Variants in EYS observed in about 807,000 individuals in gnomAD.
The protein encoded by EYS is protein eyes shut homolog.
EYS carries 250 observed loss-of-function variants against 282.1 expected under a neutral mutation model. That is an observed-to-expected ratio of 0.89 (90% CI 0.80 to 0.98). The LOEUF (loss-of-function observed/expected upper bound fraction) is 0.98, where lower values mean the gene tolerates loss of function less well. Among genes scored for constraint, EYS ranks in the 50% least tolerant of loss-of-function variants. The pLI is 0.00. For synonymous variants in EYS, 1,355 were observed against 1,282.9 expected, an observed-to-expected ratio of 1.06 and a Z score of -1.20; for missense variants, 4,016 against 3,709.0, an observed-to-expected ratio of 1.08 and a Z score of -2.15.
At chr6:64,196,531 T>C (rs1468568167) in intron 31 of EYS, among the ~76,000 whole-genome samples, 2 of 152,094 alleles carry the variant, frequency 1.3e-5, no homozygotes, top group African/African-American at 4.8e-5. Context: ...TAAGAAAATG[T>C]GGCACATATA....
At chr6:65,015,745 A>T (rs189308455) in intron 13 of EYS, among the ~76,000 whole-genome samples, 1 of 151,740 alleles carries the variant, frequency 6.6e-6, no homozygotes, top group African/African-American at 2.4e-5. Flanking sequence ...TTCCCACTGA[A>T]ATTGTACCAC....
chr6:65,400,109 C>G (rs1192262248), intron 7 of EYS, among the ~76,000 whole-genome samples: 1 of 151,984 alleles, frequency 6.6e-6, no homozygotes. Context: ...GCCAAACAAG[C>G]AAGTAGGGGG....
At chr6:64,114,597 G>T (rs1022138376) in intron 31 of EYS, among the ~76,000 whole-genome samples, 4 of 152,198 alleles carry the variant, frequency 2.6e-5, no homozygotes, top group African/African-American at 9.7e-5. Context: ...GAAGATAAGG[G>T]AAAGGGGCTA....
At chr6:63,920,740 C>T (rs181430014) in intron 35 of EYS, among the ~76,000 whole-genome samples, 43 of 152,276 alleles carry the variant, frequency 2.8e-4, no homozygotes, top group Admixed American at 1.3e-3. Context: ...TCCAGGCACT[C>T]AAACATTGGG....
intron 35 of EYS, among the ~76,000 whole-genome samples, chr6:63,973,316 G>C (rs1766677342): frequency 6.6e-6 from 1 of 151,994 alleles, no homozygotes. Context: ...GTTATGATGA[G>C]CTTTTTTTCA....
At chr6:64,230,024 A>T (rs1766372789) in intron 31 of EYS, among the ~76,000 whole-genome samples, 1 of 152,178 alleles carries the variant, frequency 6.6e-6, no homozygotes, top group African/African-American at 2.4e-5. Context: ...TTCTGGCTTT[A>T]GTTGTCTAGC....
chr6:65,214,263 T>A (rs1372723774), intron 12 of EYS, among the ~76,000 whole-genome samples: 1 of 141,508 alleles, frequency 7.1e-6, no homozygotes, highest in Non-Finnish European at 1.5e-5. Context: ...TAAAGAAAAA[T>A]TTGGTGAAAG....
At chr6:65,061,550 T>C (rs1773574281) in intron 12 of EYS, among the ~76,000 whole-genome samples, 1 of 151,930 alleles carries the variant, frequency 6.6e-6, no homozygotes, top group South Asian at 2.1e-4. Flanking sequence ...TATCAGACAC[T>C]TCATTTTAAA....
chr6:64,610,668 T>G (rs958178732), intron 24 of EYS, among the ~76,000 whole-genome samples: 1 of 152,120 alleles, frequency 6.6e-6, no homozygotes, highest in Non-Finnish European at 1.5e-5. Flanking sequence ...CTCCCCAAAG[T>G]GCTGGGGTTA....
chr6:63,918,702 A>T (rs1019607151), intron 35 of EYS, among the ~76,000 whole-genome samples: 2 of 152,220 alleles, frequency 1.3e-5, no homozygotes, highest in African/African-American at 4.8e-5. Context: ...CACCTCACTT[A>T]TTATAAGTGC....
intron 12 of EYS, among the ~76,000 whole-genome samples, chr6:65,082,485 T>C (rs1232762987): frequency 1.3e-5 from 2 of 152,090 alleles, no homozygotes; most frequent in Non-Finnish European, 2.9e-5. Flanking sequence ...GTTAAAACAG[T>C]AATTTTAGTT....
chr6:64,911,329 C>T (rs866465898), intron 16 of EYS, among the ~76,000 whole-genome samples: 28 of 152,042 alleles, frequency 1.8e-4, no homozygotes, highest in African/African-American at 4.1e-4. Context: ...AAAGCCCATG[C>T]TATTTTTGCA....
intron 22 of EYS, among the ~76,000 whole-genome samples, chr6:64,781,388 T>G (rs1260103792): frequency 1.3e-5 from 2 of 152,048 alleles, no homozygotes; most frequent in Non-Finnish European, 2.9e-5. Flanking sequence ...TTAACGATTA[T>G]TTATCAATCA....
At chr6:64,127,217 A>C (rs1773815433) in intron 31 of EYS, among the ~76,000 whole-genome samples, 1 of 152,242 alleles carries the variant, frequency 6.6e-6, no homozygotes, top group Non-Finnish European at 1.5e-5. Flanking sequence ...AAGCTTAAAT[A>C]CAGATTCAAC....
chr6:64,469,714 T>C (rs1776047904), intron 26 of EYS, among the ~76,000 whole-genome samples: 1 of 151,942 alleles, frequency 6.6e-6, no homozygotes, highest in Non-Finnish European at 1.5e-5. Context: ...AGTCTCCCTT[T>C]CCCTGGGGGA....
chr6:64,737,569 G>A (rs1014340258), intron 22 of EYS, among the ~76,000 whole-genome samples: 4 of 152,160 alleles, frequency 2.6e-5, no homozygotes, highest in African/African-American at 9.7e-5. Context: ...TTCATTTTCT[G>A]CTGTCACCAT....
At chr6:64,421,662 C>T (rs1378628314) in intron 28 of EYS, among the ~76,000 whole-genome samples, 1 of 152,108 alleles carries the variant, frequency 6.6e-6, no homozygotes, top group Non-Finnish European at 1.5e-5. Flanking sequence ...ATGCTAGTTA[C>T]TCTTCTAAAA....
intron 19 of EYS, among the ~76,000 whole-genome samples, chr6:64,835,837 C>A (rs7753466): frequency 0.018 from 2,681 of 151,502 alleles, 77 homozygotes; most frequent in African/African-American, 0.061. Flanking sequence ...TGCCAAGGCT[C>A]GAGACAATGA....
chr6:64,020,393 A>G (rs568653370), intron 33 of EYS, among the ~76,000 whole-genome samples: 1 of 152,318 alleles, frequency 6.6e-6, no homozygotes, highest in South Asian at 2.1e-4. Context: ...AAATGTTTTC[A>G]TCCAAATTAC....
Sources: allele counts gnomAD v4.1 joint callset (sites outside exome capture counted in the v4.1 genomes callset), GRCh38; gene constraint gnomAD v4.1.1; transcripts MANE v1.5; gene names NCBI Gene and HGNC (gene_info 2026-07-23, HGNC 2026-07-21).